The following DLC1 variants were observed in gnomAD, a reference collection of about 807,000 sequenced individuals.
DLC1 encodes the protein rho GTPase-activating protein 7.
In DLC1, 54 loss-of-function variants were observed where a neutral mutation model predicts 140.3. The ratio of observed to expected loss-of-function variants is 0.38; its 90% CI spans 0.31 to 0.48. The LOEUF (loss-of-function observed/expected upper bound fraction) is 0.48. DLC1 is among the 20% of genes least tolerant of loss of function. The pLI is 0.96. For missense variants in DLC1, 2,536 were observed against 1,907.0 expected, an observed-to-expected ratio of 1.33 and a Z score of -6.14; for synonymous variants, 986 against 728.1, an observed-to-expected ratio of 1.35 and a Z score of -5.70.
chr8:13,537,324 A>T (rs1435708205), intron 1 of DLC1, among the ~76,000 whole-genome samples: 1 of 152,218 alleles, frequency 6.6e-6, no homozygotes, highest in East Asian at 1.9e-4. Context: ...CACGTGGGAC[A>T]TTGCATGTTT....
chr8:13,265,258 C>T (rs77729940), intron 5 of DLC1, among the ~76,000 whole-genome samples: 5,591 of 151,948 alleles, frequency 0.037, 206 homozygotes, highest in African/African-American at 0.092. Context: ...TGGAACAGGG[C>T]GAAGAAAGCA....
At chr8:13,464,987 C>G (rs1317232571) in intron 2 of DLC1, among the ~76,000 whole-genome samples, 1 of 151,958 alleles carries the variant, frequency 6.6e-6, no homozygotes, top group Non-Finnish European at 1.5e-5. Context: ...CCACCTCAGC[C>G]TCCTGAGTAG....
At chr8:13,337,055 G>A (rs1833838604) in intron 4 of DLC1, among the ~76,000 whole-genome samples, 1 of 152,190 alleles carries the variant, frequency 6.6e-6, no homozygotes, top group Non-Finnish European at 1.5e-5. Context: ...TTCCTGGGGT[G>A]AAAATAGAAA....
rs528531898 is a variant in DLC1 at position 13,090,346 on chromosome 8, T to C, written c.3980A>G (p.Asp1327Gly). The C allele has an allele frequency of 4.3e-6, 7 of 1,614,154 alleles. No homozygotes were observed. In the South Asian group the frequency reaches 6.6e-5, roughly 15 times the overall value. ...TTCTTTAAACAGGCCATCCACACAGTCCTGGAGGAAGTGTTGGTAGTCAGC... is the reference window on the plus strand; with the variant it reads ...TTCTTTAAACAGGCCATCCACACAGCCCTGGAGGAAGTGTTGGTAGTCAGC... ...DSADYQHFLQ[D>G]CVDGLFKEVK... The change falls in exon 15 of 18, where the codon GAC becomes GGC. Residue 1327 changes from aspartate to glycine, a missense_variant. By Grantham distance (94) the Asp-to-Gly change is moderately conservative (BLOSUM62 -1). Transcript: ENST00000276297.
intron 5 of DLC1, among the ~76,000 whole-genome samples, chr8:13,202,554 CGCTGTGG>C (rs1188989727): frequency 1.3e-5 from 2 of 152,178 alleles, no homozygotes; most frequent in Non-Finnish European, 2.9e-5. Context: ...TTCTTGGCTT[CGCTGTGG>C]GCTTTATCTT....
chr8:13,594,816 T>C (rs904724850), intron 1 of DLC1, among the ~76,000 whole-genome samples: 5 of 151,406 alleles, frequency 3.3e-5, no homozygotes, highest in Admixed American at 6.6e-5. Flanking sequence ...TTAGAAGAAA[T>C]GATCTAATTT....
rs1355824706 is a variant in DLC1, at chr8:13,299,335, C to G, written c.1348+5934G>C. Reference sequence around the variant, plus strand: ...TGGTGGTGGGTGCCTGTAATCCCAGCTACTTGGGAGGCTGAGGCAGGAGAA... The same window carrying G: ...TGGTGGTGGGTGCCTGTAATCCCAGGTACTTGGGAGGCTGAGGCAGGAGAA... On this transcript the variant is annotated intron_variant, in intron 5 of 17. Coordinates refer to ENST00000276297, the MANE Select transcript of DLC1 (RefSeq NM_182643.3). 2.0e-5 allele frequency among the ~76,000 whole-genome samples: 3 copies of G among 151,568 alleles called. No homozygotes were observed. In the East Asian group the frequency reaches 5.8e-4, roughly 29 times the overall value.
At chr8:13,325,418 G>A (rs914730419) in intron 4 of DLC1, among the ~76,000 whole-genome samples, 25 of 151,884 alleles carry the variant, frequency 1.6e-4, no homozygotes, top group Non-Finnish European at 3.5e-4. Flanking sequence ...TTTCCAAACA[G>A]GTAAACATGT....
intron 4 of DLC1, chr8:13,340,087 A>T (rs998366038): frequency 6.6e-6 from 1 of 152,320 alleles, no homozygotes; most frequent in Non-Finnish European, 1.5e-5. Context: ...GGCTTCAGAC[A>T]GGAGATCAGG....
chr8:13,169,697 T>C (rs1825330932), intron 5 of DLC1, among the ~76,000 whole-genome samples: 2 of 152,202 alleles, frequency 1.3e-5, no homozygotes, highest in African/African-American at 4.8e-5. Flanking sequence ...GCAGGTGTTA[T>C]TGCCTTTTAT....
chr8:13,383,147 A>C (rs927955708), intron 4 of DLC1, among the ~76,000 whole-genome samples: 1 of 152,216 alleles, frequency 6.6e-6, no homozygotes, highest in East Asian at 1.9e-4. Context: ...GAATGACTCA[A>C]AGGGCACATC....
chr8:13,474,964 C>T (rs865858795), intron 2 of DLC1, among the ~76,000 whole-genome samples: 27 of 152,256 alleles, frequency 1.8e-4, no homozygotes, highest in Middle Eastern at 3.4e-3. Flanking sequence ...TGCTCCACCA[C>T]GCTTAGCTAA....
In DLC1 at chr8:13,521,036, C is replaced by T. The variant is rs564510855; in HGVS notation, c.-125-20840G>A. Among the ~76,000 whole-genome samples the T allele has an allele frequency of 2.0e-4, 30 of 152,174 alleles. No individual in the cohort carries two copies. In the Middle Eastern group the frequency reaches 0.014, roughly 69 times the overall value. On this transcript the variant is annotated intron_variant, in intron 1 of 1. Coordinates refer to the DLC1 transcript ENST00000631382. ...TGAGTGATAGACTGGTTAAAGAAAA[C>T]GTGGTCCATATACACCATGGAATAC...
chr8:13,518,977 A>C (rs1802680552), upstream of DLC1, among the ~76,000 whole-genome samples: 1 of 151,970 alleles, frequency 6.6e-6, no homozygotes, highest in African/African-American at 2.4e-5. Context: ...ATATATTATC[A>C]AGAATTTTTT....
At chr8:13,477,883 G>T (rs1023131657) in intron 2 of DLC1, among the ~76,000 whole-genome samples, 23 of 151,920 alleles carry the variant, frequency 1.5e-4, no homozygotes, top group African/African-American at 5.1e-4. Flanking sequence ...TAGAGAAACA[G>T]ACTGCTACAC....
At chr8:13,599,419 A>T (rs970339956) in intron 1 of DLC1, among the ~76,000 whole-genome samples, 5 of 152,002 alleles carry the variant, frequency 3.3e-5, no homozygotes, top group Non-Finnish European at 5.9e-5. Context: ...ATTTGTCATT[A>T]AAAAGGATGT....
chr8:13,091,240 T>C lies in DLC1; in HGVS notation c.3855+78A>G, dbSNP rs546778475. On this transcript the variant is annotated intron_variant, in intron 14 of 17. Coordinates refer to ENST00000276297, the MANE Select transcript of DLC1 (RefSeq NM_182643.3). ...GTGGAAAAGGTCTTCAGGTAAGACA[T>C]GAACAAGGGTCAAGCCTAAGATTTT... is the stretch of plus-strand genomic sequence containing the variant. The C allele has an allele frequency of 5.0e-5, 72 of 1,431,406 alleles. No homozygotes were observed. The East Asian group carries it at 9.1e-4, about 18-fold the overall frequency. The allele number at this position is 1,431,406 out of a possible 1,614,324, so 88.7% of individuals were successfully genotyped here. A position where few individuals can be genotyped will look rare whatever the true frequency, so the allele number is the denominator to read the frequency against.
At chr8:13,255,043 C>T (rs1021865176) in intron 5 of DLC1, among the ~76,000 whole-genome samples, 2 of 151,730 alleles carry the variant, frequency 1.3e-5, no homozygotes, top group Non-Finnish European at 2.9e-5. Flanking sequence ...GTGGCGCAAT[C>T]TCGGCTCACT....
intron 5 of DLC1, among the ~76,000 whole-genome samples, chr8:13,265,142 T>G (rs1460041695): frequency 6.6e-6 from 1 of 152,228 alleles, no homozygotes; most frequent in Non-Finnish European, 1.5e-5. Context: ...CATTACTTAA[T>G]GTGGTTTAAA....
Sources: gnomAD v4.1 joint callset for allele counts (sites outside exome capture counted in the v4.1 genomes callset) on GRCh38, gnomAD v4.1.1 for gene constraint, MANE v1.5 for transcripts, NCBI Gene and HGNC (gene_info 2026-07-23, HGNC 2026-07-21) for gene names.